PCDH11X: variants seen among roughly 807,000 people sequenced by gnomAD.
PCDH11X encodes protocadherin 11 X-linked, also known as protocadherin-11 X-linked.
A neutral mutation model predicts 53.3 loss-of-function variants in PCDH11X; 18 were observed. That is an observed-to-expected ratio of 0.34 (90% CI 0.23 to 0.50). PCDH11X has a LOEUF of 0.50. PCDH11X is among the 20% of genes least tolerant of loss of function. PCDH11X has a pLI of 0.98. For synonymous variants in PCDH11X, 279 were observed against 393.3 expected, an observed-to-expected ratio of 0.71 and a Z score of 3.44; for missense variants, 570 against 1,032.4, an observed-to-expected ratio of 0.55 and a Z score of 6.14.
chrX:91,894,724 T>A (rs1409712719), intron 6 of PCDH11X, among the ~76,000 whole-genome samples: 1 of 111,293 alleles, frequency 9.0e-6, no homozygotes, highest in East Asian at 2.8e-4. Flanking sequence ...TTTTTTTTGT[T>A]TCATGGAGAA....
At chrX:92,288,250 A>G (rs183664764) in intron 8 of PCDH11X, among the ~76,000 whole-genome samples, 3 of 111,328 alleles carry the variant, frequency 2.7e-5, no homozygotes, top group African/African-American at 9.8e-5. Context: ...AGCCCTGTTC[A>G]AGAGGTCTGC....
intron 10 of PCDH11X, among the ~76,000 whole-genome samples, chrX:92,562,841 T>C (rs1179789984): frequency 1.8e-5 from 2 of 110,181 alleles, no homozygotes; most frequent in Admixed American, 9.8e-5. Context: ...ATCTGAGATC[T>C]CCTCAACCTG....
intron 9 of PCDH11X, among the ~76,000 whole-genome samples, chrX:92,451,485 T>C (rs1007166482): frequency 9.1e-6 from 1 of 109,653 alleles, no homozygotes. Context: ...TAAAAACCAC[T>C]GATTTAAATG....
intron 6 of PCDH11X, among the ~76,000 whole-genome samples, chrX:91,932,390 CA>C (rs1377533054): frequency 3.0e-5 from 3 of 100,919 alleles, no homozygotes; most frequent in East Asian, 3.1e-4. Context: ...GGAGGTGAGA[CA>C]GGGGGAGAAG....
At chrX:92,255,006 A>C (rs1346032791) in intron 7 of PCDH11X, among the ~76,000 whole-genome samples, 2 of 95,335 alleles carry the variant, frequency 2.1e-5, no homozygotes, top group African/African-American at 3.9e-5. Context: ...AGATTGGGGA[A>C]GTTCTCCTGG....
At chrX:91,983,373 C>A (rs2062175237) in intron 6 of PCDH11X, 1 of 1,104,246 alleles carries the variant, frequency 9.1e-7, no homozygotes, top group African/African-American at 1.8e-5. Context: ...TTGGCTGAGC[C>A]TGAGCTTGTA....
At chrX:92,395,503 C>T (rs2071223819) in intron 9 of PCDH11X, among the ~76,000 whole-genome samples, 1 of 111,236 alleles carries the variant, frequency 9.0e-6, no homozygotes, top group Admixed American at 9.6e-5. Flanking sequence ...TTGGATAGGT[C>T]TTTTAACCTC....
chrX:91,870,776 A>AGG (rs1939247943), intron 5 of PCDH11X, among the ~76,000 whole-genome samples: 4 of 110,128 alleles, frequency 3.6e-5, no homozygotes, highest in Non-Finnish European at 1.9e-5. Context: ...TCTTACCCAA[A>AGG]GAGAGATGGT....
intron 10 of PCDH11X, among the ~76,000 whole-genome samples, chrX:92,567,855 T>G (rs1268407954): frequency 2.7e-4 from 22 of 82,714 alleles, no homozygotes; most frequent in African/African-American, 7.0e-4. Context: ...AGGAGGAGGG[T>G]GGTGGGAGGG....
At chrX:92,099,218 G>T (rs1022926631) in intron 6 of PCDH11X, among the ~76,000 whole-genome samples, 6 of 108,990 alleles carry the variant, frequency 5.5e-5, no homozygotes, top group Non-Finnish European at 1.1e-4. Context: ...CATGTGTATA[G>T]CTTTTTAGAA....
At chrX:92,009,292 G>A (rs1197152372) in intron 6 of PCDH11X, among the ~76,000 whole-genome samples, 1 of 111,483 alleles carries the variant, frequency 9.0e-6, no homozygotes, top group African/African-American at 3.3e-5. Context: ...GTATTTTGTG[G>A]TCAAGTTCTA....
intron 10 of PCDH11X, among the ~76,000 whole-genome samples, chrX:92,489,384 G>A (rs2073711345): frequency 9.0e-6 from 1 of 110,758 alleles, no homozygotes; most frequent in Non-Finnish European, 1.9e-5. Context: ...TTAGGCTTGG[G>A]GAAGACAATG....
intron 6 of PCDH11X, among the ~76,000 whole-genome samples, chrX:91,888,407 C>A (rs1367731998): frequency 8.9e-6 from 1 of 111,985 alleles, no homozygotes; most frequent in African/African-American, 3.2e-5. Context: ...AATCCCAGCA[C>A]TTTGGGAGGC....
chrX:92,248,002 T>G (rs139197135), intron 7 of PCDH11X, among the ~76,000 whole-genome samples: 1,854 of 111,804 alleles, frequency 0.017, 40 homozygotes, highest in African/African-American at 0.058. Flanking sequence ...TGAGTGGCTT[T>G]GTCTTGAACT....
chrX:91,797,816 T>A (rs1343977555), intron 1 of PCDH11X, among the ~76,000 whole-genome samples: 1 of 111,062 alleles, frequency 9.0e-6, no homozygotes, highest in African/African-American at 3.3e-5. Context: ...TTAGTCAGAA[T>A]GGAATATTAT....
intron 8 of PCDH11X, among the ~76,000 whole-genome samples, chrX:92,281,122 T>A (rs974186417): frequency 9.0e-6 from 1 of 111,157 alleles, no homozygotes; most frequent in Non-Finnish European, 1.9e-5. Context: ...CAGACTAACA[T>A]CCTCTCAGCA....
chrX:92,032,821 A>T (rs1265934218), intron 6 of PCDH11X, among the ~76,000 whole-genome samples: 2 of 103,917 alleles, frequency 1.9e-5, no homozygotes, highest in Non-Finnish European at 3.8e-5. Flanking sequence ...TTGAATCCCT[A>T]TGATAAATCC....
At chrX:92,608,935 G>A (rs770810350) in intron 10 of PCDH11X, among the ~76,000 whole-genome samples, 56 of 110,663 alleles carry the variant, frequency 5.1e-4, no homozygotes, top group African/African-American at 1.8e-3. Flanking sequence ...GGCGATCACC[G>A]GTATGTTTTT....
At chrX:92,486,532 A>T (rs974925215) in intron 10 of PCDH11X, among the ~76,000 whole-genome samples, 4 of 111,890 alleles carry the variant, frequency 3.6e-5, no homozygotes, top group African/African-American at 1.3e-4. Flanking sequence ...GTGAAAAAGT[A>T]AATTGACTCT....
Sources: allele counts gnomAD v4.1 joint callset (sites outside exome capture counted in the v4.1 genomes callset), GRCh38; gene constraint gnomAD v4.1.1; transcripts MANE v1.5; gene names NCBI Gene and HGNC (gene_info 2026-07-23, HGNC 2026-07-21).